The following NCOA1 variants were observed in gnomAD, a reference collection of about 807,000 sequenced individuals.
The protein encoded by NCOA1 is Hin-2 protein.
A neutral mutation model predicts 150.9 loss-of-function variants in NCOA1; 35 were observed. The observed-to-expected ratio is 0.23, with a 90% CI of 0.18 to 0.31. The LOEUF is 0.31. Among genes scored for constraint, NCOA1 ranks in the 10% least tolerant of loss-of-function variants. The probability of loss-of-function intolerance (pLI) is 1.00; values close to 1 mark genes in which losing one functional copy is unlikely to be tolerated. For synonymous variants in NCOA1, 590 were observed against 630.0 expected, an observed-to-expected ratio of 0.94 and a Z score of 0.95; for missense variants, 1,491 against 1,749.3, an observed-to-expected ratio of 0.85 and a Z score of 2.63.
chr2:24,554,434 T>G (rs1665988093), intron 1 of NCOA1: 1 of 152,052 alleles, frequency 6.6e-6, no homozygotes, highest in Non-Finnish European at 1.5e-5. Flanking sequence ...AAAACAGCTC[T>G]CTCTCTAATG....
chr2:24,542,107 A>C, intron 1 of NCOA1, among the ~76,000 whole-genome samples: 1 of 152,192 alleles, frequency 6.6e-6, no homozygotes, highest in Non-Finnish European at 1.5e-5. Context: ...AGACATGGAG[A>C]TCATGACCAA....
Position 24,768,447 on chromosome 2 carries a change from T to C in NCOA1, c.*56T>C, listed in dbSNP as rs781364386. ...ATAGACATACAGAGATATACAAATA[T>C]ATTATATATTTTTCTGAGATTTTTG... On this transcript the variant is annotated 3_prime_UTR_variant, in exon 23 of 23. Coordinates refer to ENST00000348332, the MANE Select transcript of NCOA1 (RefSeq NM_003743.5). 4.1e-6 allele frequency: 5 copies of C among 1,214,980 alleles called. No homozygotes were observed. The highest frequency in any genetic ancestry group is 4.2e-6 in the Non-Finnish European group (4 of 942,762). The allele number at this position is 1,214,980 out of a possible 1,614,324, so 75.3% of individuals were successfully genotyped here. A position where few individuals can be genotyped will look rare whatever the true frequency, so the allele number is the denominator to read the frequency against.
chr2:24,754,581 G>A (rs936587067), intron 20 of NCOA1, among the ~76,000 whole-genome samples: 4 of 152,156 alleles, frequency 2.6e-5, no homozygotes, highest in African/African-American at 4.8e-5. Context: ...GACATTAAAT[G>A]TGACCTTATT....
intron 4 of NCOA1, among the ~76,000 whole-genome samples, chr2:24,656,087 C>CAAAAA (rs58446937): frequency 1.6e-5 from 1 of 62,040 alleles, no homozygotes; most frequent in Non-Finnish European, 3.6e-5. Context: ...GACTCCGTCT[C>CAAAAA]AAAAAAAAAA....
Position 24,728,346 on chromosome 2 carries a change from C to T in NCOA1, c.2756C>T (p.Pro919Leu), listed in dbSNP as rs1041377712. Reference sequence around the variant, plus strand: ...TCACAATTAGATGAGCTTCTCTGTCCACCCACAACAGTAGAAGGGAGAAAT... The same window carrying T: ...TCACAATTAGATGAGCTTCTCTGTCTACCCACAACAGTAGAAGGGAGAAAT... ...ISSQLDELLC[P>L]PTTVEGRNDE... The change falls in exon 16 of 23, where the codon CCA (proline) becomes CTA (leucine). Residue 919 changes from proline (P) to leucine (L), a missense_variant. Transcript: ENST00000348332. The T allele has an allele frequency of 1.9e-6, 3 of 1,612,908 alleles. No individual in the cohort carries two copies. The highest frequency in any genetic ancestry group is 2.5e-6 in the Non-Finnish European group (3 of 1,179,402).
chr2:24,679,753 A>C (rs1181454239), intron 7 of NCOA1, among the ~76,000 whole-genome samples: 1 of 152,164 alleles, frequency 6.6e-6, no homozygotes, highest in African/African-American at 2.4e-5. Flanking sequence ...TCTAAACCCA[A>C]AATATTTTAA....
At position 24,706,603 on chromosome 2, in the gene NCOA1, A is replaced by G. The variant is rs1392169299; in HGVS notation, c.1133A>G (p.Asn378Ser). 1 of 1,613,916 alleles carries G rather than the reference A, an allele frequency of 6.2e-7. No individual in the cohort carries two copies. The highest frequency in any genetic ancestry group is 1.3e-5 in the African/African-American group (1 of 75,046). The change falls in exon 13 of 23, where the codon AAT (asparagine) becomes AGT (serine). Residue 378 changes from asparagine to serine, a missense_variant. Asn to Ser is a conservative substitution (Grantham distance 46). Transcript: ENST00000348332. ...GGGCTTTCTCCTCAAGATGACACTA[A>G]TTCTGGAATGTCAATTCCCCGAGTA... is the stretch of plus-strand genomic sequence containing the variant. Reference protein sequence around the residue: ...HSGLSPQDDTNSGMSIPRVNP... With the variant: ...HSGLSPQDDTSSGMSIPRVNP...
chr2:24,565,169 A>G (rs528979009), intron 2 of NCOA1, among the ~76,000 whole-genome samples: 10 of 152,362 alleles, frequency 6.6e-5, no homozygotes, highest in Non-Finnish European at 1.3e-4. Context: ...TTGAAAGACT[A>G]CATAAGACAA....
intron 1 of NCOA1, among the ~76,000 whole-genome samples, chr2:24,497,021 T>C (rs915134019): frequency 2.0e-5 from 3 of 152,206 alleles, no homozygotes; most frequent in East Asian, 3.8e-4. Flanking sequence ...CCCTCATTCA[T>C]AGTCAGCAAA....
intron 3 of NCOA1, among the ~76,000 whole-genome samples, chr2:24,629,850 ATTTTTTTTTTTGAGATGGAGTCTCGC>A (rs1669622146): frequency 1.6e-5 from 2 of 123,472 alleles, no homozygotes; most frequent in African/African-American, 3.0e-5. Flanking sequence ...ATATATATGT[ATTTTTTTTTTTGAGATGGAGTCTCGC>A]TTTGTCGCCC....
chr2:24,596,137 C>T (rs937598086), intron 3 of NCOA1, among the ~76,000 whole-genome samples: 2 of 151,894 alleles, frequency 1.3e-5, no homozygotes, highest in African/African-American at 2.4e-5. Flanking sequence ...CCATTGTGTC[C>T]CCTGCTAATT....
chr2:24,566,082 T>A (rs1666493892), intron 2 of NCOA1, among the ~76,000 whole-genome samples: 1 of 152,194 alleles, frequency 6.6e-6, no homozygotes, highest in Non-Finnish European at 1.5e-5. Context: ...ACTTTTTCAA[T>A]CCTGCCATTT....
chr2:24,660,452 T>A (rs1055200268), intron 5 of NCOA1, among the ~76,000 whole-genome samples: 11 of 152,050 alleles, frequency 7.2e-5, no homozygotes, highest in African/African-American at 2.7e-4. Context: ...TTTTAATAAT[T>A]ATGTGTGTAT....
At chr2:24,628,215 G>GC (rs1669520545) in intron 3 of NCOA1, among the ~76,000 whole-genome samples, 2 of 151,716 alleles carry the variant, frequency 1.3e-5, no homozygotes, top group Admixed American at 1.3e-4. Flanking sequence ...CAGGAGAATT[G>GC]CTTGAACCTG....
chr2:24,673,120 T>TGTA (rs1391105272), intron 6 of NCOA1, among the ~76,000 whole-genome samples: 2 of 152,190 alleles, frequency 1.3e-5, no homozygotes, highest in African/African-American at 4.8e-5. Flanking sequence ...AAACACTGGA[T>TGTA]GTAGTATTCA....
At chr2:24,762,619 C>A in intron 21 of NCOA1, 68 bp from the exon 22 acceptor site, 1 of 1,348,278 alleles carries the variant, frequency 7.4e-7, no homozygotes, top group South Asian at 1.2e-5. Context: ...GATTGTTTTT[C>A]ATTGGAGAAT....
intron 3 of NCOA1, among the ~76,000 whole-genome samples, chr2:24,635,747 A>G (rs1285571190): frequency 1.3e-5 from 2 of 152,218 alleles, no homozygotes; most frequent in African/African-American, 4.8e-5. Context: ...TAAACTAGAC[A>G]TATACAATGA....
rs146256438 is a variant in NCOA1 at position 24,524,811 on chromosome 2, T to G, written c.-396+33209T>G. 7.4e-4 allele frequency among the ~76,000 whole-genome samples: 113 copies of G among 152,296 alleles called. 1 individual carries two copies. The East Asian group carries it at 0.018, about 24-fold the overall frequency. ...TTTTGATAGAGACGGGGTTTCACCA[T>G]GTTGGCCACGCTGGTCTTGAACTCC... On this transcript the variant is annotated intron_variant, in intron 1 of 22. Transcript: ENST00000348332.
At chr2:24,750,343 A>C (rs1664152218) in intron 19 of NCOA1, among the ~76,000 whole-genome samples, 1 of 152,214 alleles carries the variant, frequency 6.6e-6, no homozygotes, top group Non-Finnish European at 1.5e-5. Context: ...TAATTTCAAA[A>C]ATTACCATAA....
Sources: allele counts gnomAD v4.1 joint callset (sites outside exome capture counted in the v4.1 genomes callset), GRCh38; gene constraint gnomAD v4.1.1; transcripts MANE v1.5; gene names NCBI Gene and HGNC (gene_info 2026-07-23, HGNC 2026-07-21).